Variants in NAV3 observed in about 807,000 individuals in gnomAD.
NAV3 encodes neuron navigator 3, also known as pore membrane and/or filament interacting like protein 1.
A neutral mutation model predicts 244.7 loss-of-function variants in NAV3; 87 were observed. The observed-to-expected ratio is 0.36, with a 90% CI of 0.30 to 0.42. NAV3 has a LOEUF of 0.42. Among genes scored for constraint, NAV3 ranks in the 20% least tolerant of loss-of-function variants. The pLI is 1.00. For missense variants in NAV3, 2,663 were observed against 2,893.3 expected (o/e 0.92, Z 1.83); for synonymous variants, 1,126 against 1,042.2 (o/e 1.08, Z -1.55).
At chr12:77,782,646 C>A (rs1870723400) in intron 2 of NAV3, among the ~76,000 whole-genome samples, 1 of 150,442 alleles carries the variant, frequency 6.6e-6, no homozygotes, top group Non-Finnish European at 1.5e-5. Context: ...AACCTTTTTA[C>A]ACAGTTTTCA....
chr12:77,604,735 G>A (rs1309386720), intron 2 of NAV3, among the ~76,000 whole-genome samples: 1 of 151,916 alleles, frequency 6.6e-6, no homozygotes, highest in Non-Finnish European at 1.5e-5. Flanking sequence ...GTTCATTTCT[G>A]TTTCTTGTGC....
intron 3 of NAV3, 114 bp from the exon 4 acceptor site, chr12:77,966,115 T>C: frequency 1.1e-6 from 1 of 893,258 alleles, no homozygotes; most frequent in Non-Finnish European, 1.8e-6. Flanking sequence ...ACTTCTAGTA[T>C]GAAATGAATG....
intron 1 of NAV3, among the ~76,000 whole-genome samples, chr12:77,836,457 TA>T (rs1344259268): frequency 2.0e-5 from 3 of 152,186 alleles, no homozygotes; most frequent in African/African-American, 7.2e-5. Flanking sequence ...GGAAAGCAAT[TA>T]TTTTTTGTGG....
intron 8 of NAV3, among the ~76,000 whole-genome samples, chr12:78,008,274 T>G (rs1275253871): frequency 6.6e-6 from 1 of 152,216 alleles, no homozygotes; most frequent in Non-Finnish European, 1.5e-5. Context: ...CATTCTTATT[T>G]TGTAGGCATT....
chr12:77,760,075 C>A (rs190861750), intron 2 of NAV3, among the ~76,000 whole-genome samples: 2 of 152,266 alleles, frequency 1.3e-5, no homozygotes, highest in Admixed American at 1.3e-4. Context: ...ACATTGTGAG[C>A]ACCAGAATGT....
At chr12:78,028,651 T>C (rs888872153) in intron 9 of NAV3, among the ~76,000 whole-genome samples, 1 of 152,164 alleles carries the variant, frequency 6.6e-6, no homozygotes, top group Admixed American at 6.5e-5. Context: ...TTCTTACCAG[T>C]TTATTATTAT....
At chr12:77,691,212 A>G (rs977158075) in intron 2 of NAV3, among the ~76,000 whole-genome samples, 72 of 150,068 alleles carry the variant, frequency 4.8e-4, no homozygotes, top group African/African-American at 1.6e-3. Flanking sequence ...TTGTGAGTCT[A>G]TGGTTTGGAA....
chr12:77,831,609 T>A lies in NAV3; in HGVS notation c.148T>A (p.Ser50Thr). 6.2e-7 allele frequency: 1 copy of A among 1,614,032 alleles called. No homozygotes were observed. The highest frequency in any genetic ancestry group is 8.5e-7 in the Non-Finnish European group (1 of 1,179,944). The change falls in exon 1 of 40, where the codon TCC becomes ACC. Residue 50 changes from serine to threonine, a missense_variant. Transcript: ENST00000397909. ...TTTGGAACTTACTGAAACAGAGAGCTCCATGCTTTCTTGTCAGCTTGCGTT... is the reference window on the plus strand; with the variant it reads ...TTTGGAACTTACTGAAACAGAGAGCACCATGCTTTCTTGTCAGCTTGCGTT... ...RPLELTETESSMLSCQLALKS... is the reference protein window; with the variant it reads ...RPLELTETESTMLSCQLALKS...
In NAV3 at chr12:77,682,630, AG is replaced by A. The variant is rs1284637897; in HGVS notation, c.72+110366del. 2.6e-5 allele frequency among the ~76,000 whole-genome samples: 4 copies of A among 152,236 alleles called. No homozygotes were observed. In the East Asian group the frequency reaches 5.8e-4, roughly 22 times the overall value. ...GTACATTCACACCAACCATGTGCAA[AG>A]GTTCTCTTTTCTCCACATTCTTGCC... is the stretch of plus-strand genomic sequence containing the variant. On this transcript the variant is annotated intron_variant, in intron 2 of 8. Coordinates refer to the NAV3 transcript ENST00000550042.
intron 2 of NAV3, among the ~76,000 whole-genome samples, chr12:77,746,188 A>T (rs919355975): frequency 2.6e-5 from 4 of 152,092 alleles, no homozygotes; most frequent in Admixed American, 2.6e-4. Context: ...GGAGTTGGCA[A>T]ACATTTTCTC....
At chr12:77,818,506 GT>G (rs1314041342) in intron 2 of NAV3, among the ~76,000 whole-genome samples, 1 of 152,002 alleles carries the variant, frequency 6.6e-6, no homozygotes, top group Admixed American at 6.6e-5. Flanking sequence ...GTTTTGTTTG[GT>G]TTGGTTTGGT....
intron 12 of NAV3, among the ~76,000 whole-genome samples, chr12:78,105,918 A>G (rs1215744917): frequency 6.6e-6 from 1 of 151,500 alleles, no homozygotes; most frequent in Non-Finnish European, 1.5e-5. Flanking sequence ...AAAATTTCTA[A>G]CAAATATTTA....
chr12:77,755,762 C>G (rs1423952700), intron 2 of NAV3, among the ~76,000 whole-genome samples: 1 of 149,984 alleles, frequency 6.7e-6, no homozygotes, highest in East Asian at 1.9e-4. Flanking sequence ...TCGTCAGGGT[C>G]TTGCCTTGTC....
intron 2 of NAV3, among the ~76,000 whole-genome samples, chr12:77,620,366 G>A (rs1370064947): frequency 6.6e-6 from 1 of 152,078 alleles, no homozygotes; most frequent in Non-Finnish European, 1.5e-5. Flanking sequence ...AGTTGCTGAG[G>A]AAAAAATGCA....
At chr12:77,863,961 A>C (rs1002486904) in intron 1 of NAV3, among the ~76,000 whole-genome samples, 1 of 151,892 alleles carries the variant, frequency 6.6e-6, no homozygotes. Flanking sequence ...AGACATCTCC[A>C]ATTTCTCAAA....
At position 77,959,912 on chromosome 12, in the gene NAV3, C is replaced by CAAA. The variant is rs57550714; in HGVS notation, c.415-6291_415-6289dup. On this transcript the variant is annotated intron_variant, in intron 3 of 39. Transcript: ENST00000397909. ...AGTAGTATATTCCTCCCTGACCCGACAAAAAAAAAAAAAAAAAAAAAAAAA... is the reference window on the plus strand; with the variant it reads ...AGTAGTATATTCCTCCCTGACCCGACAAAAAAAAAAAAAAAAAAAAAAAAAAAA... 1.0e-3 allele frequency among the ~76,000 whole-genome samples: 65 copies of CAAA among 64,706 alleles called. 6 individuals are homozygous for CAAA. Among genetic ancestry groups the CAAA allele is most frequent in the African/African-American group, 3.6e-3 (58 of 16,086 alleles). 42.4% of individuals were successfully genotyped at this position (64,706 alleles called of 152,430 possible).
chr12:77,939,608 TAG>T (rs1240118080), intron 1 of NAV3, among the ~76,000 whole-genome samples: 5 of 152,266 alleles, frequency 3.3e-5, no homozygotes, highest in African/African-American at 1.2e-4. Context: ...GAAATTTTTG[TAG>T]AGTTTCAGCT....
At chr12:77,655,786 G>A (rs947349970) in intron 2 of NAV3, among the ~76,000 whole-genome samples, 2 of 152,120 alleles carry the variant, frequency 1.3e-5, no homozygotes, top group African/African-American at 4.8e-5. Context: ...AGCCAGAAGA[G>A]AGTGGGGGCC....
intron 30 of NAV3, among the ~76,000 whole-genome samples, chr12:78,183,244 A>G (rs1958574129): frequency 6.6e-6 from 1 of 151,986 alleles, no homozygotes; most frequent in African/African-American, 2.4e-5. Flanking sequence ...TTGTTTCATC[A>G]GGTGACCATC....
Sources: allele counts gnomAD v4.1 joint callset (sites outside exome capture counted in the v4.1 genomes callset), GRCh38; gene constraint gnomAD v4.1.1; transcripts MANE v1.5; gene names NCBI Gene and HGNC (gene_info 2026-07-23, HGNC 2026-07-21).